The following CHKA variants were observed in gnomAD, a reference collection of about 807,000 sequenced individuals.
CHKA encodes choline kinase alpha, also known as CHETK-alpha.
CHKA carries 34 observed loss-of-function variants against 60.1 expected under a neutral mutation model. That is an observed-to-expected ratio of 0.57 (90% CI 0.43 to 0.75). The LOEUF (loss-of-function observed/expected upper bound fraction) is 0.75, where lower values mean the gene tolerates loss of function less well. Among genes scored for constraint, CHKA ranks in the 30% least tolerant of loss-of-function variants. The pLI, the probability that CHKA is intolerant of heterozygous loss-of-function variation, is 0.00. For missense variants in CHKA, 563 were observed against 561.3 expected (o/e 1.00, Z -0.03); for synonymous variants, 217 against 223.1 (o/e 0.97, Z 0.24).
chr11:68,055,874 G>A (rs1855997389), intron 11 of CHKA, among the ~76,000 whole-genome samples: 1 of 149,912 alleles, frequency 6.7e-6, no homozygotes, highest in Admixed American at 6.7e-5. Context: ...AAGAAACCCC[G>A]TCTCTACTTA....
At chr11:68,112,053 CA>C (rs754639082) in intron 1 of CHKA, among the ~76,000 whole-genome samples, 851 of 20,662 alleles carry the variant, frequency 0.041, 2 homozygotes, top group Middle Eastern at 0.1. Context: ...AACTCCGTCT[CA>C]AAAAAAAAAA....
chr11:68,083,781 C>T (rs1857064032), intron 2 of CHKA, among the ~76,000 whole-genome samples: 1 of 152,234 alleles, frequency 6.6e-6, no homozygotes, highest in East Asian at 1.9e-4. Context: ...ATTATGAAGG[C>T]AAGATGGACT....
intron 11 of CHKA, among the ~76,000 whole-genome samples, chr11:68,058,577 A>C (rs963743127): frequency 6.6e-6 from 1 of 152,252 alleles, no homozygotes; most frequent in Admixed American, 6.5e-5. Flanking sequence ...GTAGAAATCC[A>C]ACTGATTTTT....
At chr11:68,054,445 G>T (rs534944343) in intron 11 of CHKA, among the ~76,000 whole-genome samples, 1 of 152,286 alleles carries the variant, frequency 6.6e-6, no homozygotes, top group African/African-American at 2.4e-5. Flanking sequence ...GGCGAGTCTA[G>T]AACAGAAGGG....
intron 2 of CHKA, among the ~76,000 whole-genome samples, chr11:68,086,583 T>G (rs752203586): frequency 1.3e-5 from 2 of 152,190 alleles, no homozygotes; most frequent in South Asian, 4.1e-4. Flanking sequence ...AAAGCCCCAT[T>G]TGGGAGATGA....
intron 1 of CHKA, among the ~76,000 whole-genome samples, chr11:68,113,006 C>T (rs967965381): frequency 1.5e-5 from 2 of 130,738 alleles, no homozygotes; most frequent in South Asian, 2.5e-4. Flanking sequence ...GGCGTGAAAC[C>T]GGGAGACGGA....
At position 68,053,968 on chromosome 11, in the gene CHKA, G is replaced by A. The variant is rs201642830; in HGVS notation, c.*20C>T. The A allele has an allele frequency of 3.7e-5, 60 of 1,610,686 alleles. No individual in the cohort carries two copies. The highest frequency in any genetic ancestry group is 4.8e-5 in the Non-Finnish European group (57 of 1,177,536). ...TCCCCATGCAGTCCAGTGATGAGGT[G>A]GATGGAGTCCTCCCCACAGTCACAC... On this transcript the variant is annotated 3_prime_UTR_variant, in exon 12 of 12. Coordinates refer to ENST00000265689, the MANE Select transcript of CHKA (RefSeq NM_001277.3).
intron 8 of CHKA, among the ~76,000 whole-genome samples, chr11:68,066,109 T>A (rs1010860717): frequency 6.6e-5 from 10 of 152,306 alleles, no homozygotes; most frequent in African/African-American, 1.7e-4. Context: ...CAGGTGCACC[T>A]GAACCACTAC....
At chr11:68,064,394 C>G (rs1317084997) in intron 10 of CHKA, 131 bp downstream of exon 10, 10 of 493,908 alleles carry the variant, frequency 2.0e-5, no homozygotes, top group Non-Finnish European at 3.5e-5. Context: ...GGTGACAGAG[C>G]AAGACTCTGT....
chr11:68,070,948 G>A, intron 4 of CHKA, 91 bp from the exon 5 acceptor site: 3 of 1,334,994 alleles, frequency 2.2e-6, no homozygotes, highest in Non-Finnish European at 3.1e-6. Flanking sequence ...AAGTGTTTTT[G>A]TAGTGCATTT....
At chr11:68,087,771 T>C (rs1020908102) in intron 2 of CHKA, among the ~76,000 whole-genome samples, 5 of 152,174 alleles carry the variant, frequency 3.3e-5, no homozygotes, top group African/African-American at 1.2e-4. Flanking sequence ...AAACGGTAGA[T>C]TGATTGTGAC....
chr11:68,081,064 G>A (rs923500913), intron 3 of CHKA, among the ~76,000 whole-genome samples: 1 of 152,240 alleles, frequency 6.6e-6, no homozygotes. Context: ...GAAAGGGGGT[G>A]AGAGAGGCAT....
chr11:68,094,914 G>A (rs1857450209), intron 2 of CHKA, among the ~76,000 whole-genome samples: 1 of 152,096 alleles, frequency 6.6e-6, no homozygotes, highest in African/African-American at 2.4e-5. Context: ...TTCACATTAT[G>A]ACAATTTTTT....
At chr11:68,101,653 C>CA (rs573050309) in intron 1 of CHKA, among the ~76,000 whole-genome samples, 309 of 113,326 alleles carry the variant, frequency 2.7e-3, no homozygotes, top group African/African-American at 6.6e-3. Flanking sequence ...CAATAGCTAA[C>CA]AAAAAAAAAA....
At chr11:68,084,348 G>GTA (rs752168770) in intron 2 of CHKA, among the ~76,000 whole-genome samples, 99 of 131,412 alleles carry the variant, frequency 7.5e-4, no homozygotes, top group African/African-American at 1.6e-3. Context: ...ATATATATGT[G>GTA]TATATATATA....
chr11:68,121,309 G>C lies in CHKA; in HGVS notation c.-132C>G, dbSNP rs1228126704. 5.6e-5 allele frequency: 32 copies of C among 567,418 alleles called. No homozygotes were observed. The highest frequency in any genetic ancestry group is 7.2e-5 in the Non-Finnish European group (32 of 446,598). 35.1% of individuals were successfully genotyped at this position (567,418 alleles called of 1,614,324 possible). On this transcript the variant is annotated 5_prime_UTR_variant, in exon 1 of 12. Coordinates refer to ENST00000265689, the MANE Select transcript of CHKA (RefSeq NM_001277.3). ...GCAGGGGGCCGCGGCGGTTGGGCGC[G>C]CGGGGCGGCGGCGGCGGCTGCGGCG...
At chr11:68,066,628 GGC>G in intron 7 of CHKA, 112 bp from the exon 8 acceptor site, 1 of 846,850 alleles carries the variant, frequency 1.2e-6, no homozygotes, top group Non-Finnish European at 1.9e-6. Context: ...AACTGAATGT[GGC>G]TTTTGGTCTG....
intron 1 of CHKA, among the ~76,000 whole-genome samples, chr11:68,098,216 A>G (rs1175767054): frequency 6.9e-6 from 1 of 145,958 alleles, no homozygotes; most frequent in Admixed American, 7.1e-5. Context: ...GGTTGCAGTG[A>G]GCCGTTATCG....
intron 9 of CHKA, 79 bp downstream of exon 9, chr11:68,065,707 T>C: frequency 1.9e-6 from 2 of 1,035,740 alleles, no homozygotes; most frequent in Admixed American, 3.7e-5. Flanking sequence ...CCTCAAAAAA[T>C]AAAAAAGAAG....
Sources: gnomAD v4.1 joint callset for allele counts (sites outside exome capture counted in the v4.1 genomes callset) on GRCh38, gnomAD v4.1.1 for gene constraint, MANE v1.5 for transcripts, NCBI Gene and HGNC (gene_info 2026-07-23, HGNC 2026-07-21) for gene names.